The following GAPVD1 variants were observed in gnomAD, a reference collection of about 807,000 sequenced individuals.
GAPVD1 encodes the protein GTPase-activating protein and VPS9 domain-containing protein 1.
In GAPVD1, 35 loss-of-function variants were observed where a neutral mutation model predicts 155.5. The ratio of observed to expected loss-of-function variants is 0.23; its 90% CI spans 0.17 to 0.30. The LOEUF (loss-of-function observed/expected upper bound fraction) is 0.30. Among genes scored for constraint, GAPVD1 ranks in the 10% least tolerant of loss-of-function variants. The pLI is 1.00. For synonymous variants in GAPVD1, 636 were observed against 619.7 expected (o/e 1.03, Z -0.39); for missense variants, 1,429 against 1,775.7 (o/e 0.80, Z 3.51).
chr9:125,298,038 G>A (rs1476685623), intron 3 of GAPVD1, among the ~76,000 whole-genome samples: 3 of 152,192 alleles, frequency 2.0e-5, no homozygotes, highest in Admixed American at 6.5e-5. Context: ...GAGCCACCGC[G>A]CCCGGCTGTG....
At chr9:125,320,106 T>C (rs907950818) in intron 9 of GAPVD1, among the ~76,000 whole-genome samples, 4 of 152,202 alleles carry the variant, frequency 2.6e-5, no homozygotes, top group Admixed American at 2.6e-4. Flanking sequence ...AAATAACCTG[T>C]ATCGCCTCAC....
chr9:125,291,569 T>A (rs1399520595), intron 2 of GAPVD1, among the ~76,000 whole-genome samples: 1 of 151,572 alleles, frequency 6.6e-6, no homozygotes, highest in East Asian at 1.9e-4. Context: ...ATTGTTGGAG[T>A]TGTGTGGTGT....
At chr9:125,285,777 A>G (rs868320482) in intron 2 of GAPVD1, among the ~76,000 whole-genome samples, 15 of 151,754 alleles carry the variant, frequency 9.9e-5, no homozygotes, top group African/African-American at 3.1e-4. Flanking sequence ...TTTCGTTTTT[A>G]TAGAAAATAT....
chr9:125,262,900 G>C (rs1833169827), intron 1 of GAPVD1, among the ~76,000 whole-genome samples: 1 of 151,964 alleles, frequency 6.6e-6, no homozygotes, highest in East Asian at 1.9e-4. Flanking sequence ...TAAAAATTAC[G>C]GATATTTTTG....
chr9:125,328,841 C>A (rs866806550), intron 12 of GAPVD1, among the ~76,000 whole-genome samples: 5 of 151,876 alleles, frequency 3.3e-5, no homozygotes, highest in Admixed American at 6.6e-5. Flanking sequence ...TGACCCCCCC[C>A]CCACCTCCCT....
intron 20 of GAPVD1, among the ~76,000 whole-genome samples, chr9:125,348,637 C>T (rs1337201839): frequency 6.6e-6 from 1 of 151,990 alleles, no homozygotes; most frequent in South Asian, 2.1e-4. Context: ...CTCGACCTCC[C>T]GAGTAGCTGG....
chr9:125,263,968 C>T, intron 1 of GAPVD1: 1 of 1,399,382 alleles, frequency 7.1e-7, no homozygotes, highest in Non-Finnish European at 1.0e-6. Context: ...GCATGGCCTT[C>T]ATGACATGAA....
chr9:125,337,441 C>T lies in GAPVD1; in HGVS notation c.2727C>T (p.Val909=). ...GGAGCTCTGATATAGTATCTTCTGTCCGGAGACCCATGAGTGACCCCAGCT... is the reference window on the plus strand; with the variant it reads ...GGAGCTCTGATATAGTATCTTCTGTTCGGAGACCCATGAGTGACCCCAGCT... The part of the protein sequence containing the change: ...RSRSSDIVSS[V]RRPMSDPSWN... The change falls in exon 17 of 28, where the codon GTC becomes GTT. Residue 909 remains valine (V), a synonymous_variant. Coordinates refer to ENST00000297933, the MANE Select transcript of GAPVD1 (RefSeq NM_001282680.3). 6.2e-7 allele frequency: 1 copy of T among 1,614,156 alleles called. No individual in the cohort carries two copies. The highest frequency in any genetic ancestry group is 8.5e-7 in the Non-Finnish European group (1 of 1,180,006).
chr9:125,296,521 ATTT>A (rs1375021055), intron 3 of GAPVD1, among the ~76,000 whole-genome samples: 1 of 149,078 alleles, frequency 6.7e-6, no homozygotes, highest in African/African-American at 2.5e-5. Flanking sequence ...TGCCCGGCTA[ATTT>A]TGTGTTTTTG....
chr9:125,284,133 C>A (rs1837244941), intron 2 of GAPVD1, among the ~76,000 whole-genome samples: 1 of 151,470 alleles, frequency 6.6e-6, no homozygotes, highest in Admixed American at 6.6e-5. Context: ...GCCTTGGCCT[C>A]CCAAAGTGCT....
intron 19 of GAPVD1, 87 bp downstream of exon 19, chr9:125,342,386 T>C (rs950593985): frequency 1.1e-5 from 9 of 786,392 alleles, no homozygotes; most frequent in African/African-American, 3.4e-5. Flanking sequence ...AAGCGTTGCC[T>C]TTCTAGAAGA....
chr9:125,346,663 T>G, intron 19 of GAPVD1, 156 bp from the exon 20 acceptor site: 1 of 697,168 alleles, frequency 1.4e-6, no homozygotes, highest in East Asian at 2.7e-5. Flanking sequence ...ATGGGATGAG[T>G]AGGCAGCTGC....
At position 125,319,380 on chromosome 9, in the gene GAPVD1, T is replaced by A. The variant is rs548086041; in HGVS notation, c.1603-2053T>A. On this transcript the variant is annotated intron_variant, in intron 9 of 27. Coordinates refer to ENST00000297933, the MANE Select transcript of GAPVD1 (RefSeq NM_001282680.3). Reference sequence around the variant, plus strand: ...CAGAATGAGTTCCATCTTAAAAAAATTTTTTTTAATAAAAATTTTATGTGT... The same window carrying A: ...CAGAATGAGTTCCATCTTAAAAAAAATTTTTTTAATAAAAATTTTATGTGT... 5.0e-3 allele frequency among the ~76,000 whole-genome samples: 738 copies of A among 148,340 alleles called. 7 individuals carry two copies. Among genetic ancestry groups the A allele is most frequent in the African/African-American group, 0.017 (684 of 40,342 alleles).
chr9:125,366,915 T>G lies in GAPVD1; in HGVS notation c.*4169T>G, dbSNP rs1052350662. On this transcript the variant is annotated 3_prime_UTR_variant, in exon 28 of 28. Transcript: ENST00000297933. ...CAGCAAGGGTTCAATTCAAGAGAGA[T>G]GACGTCTCCACTTGGATAATGGCAG... 1 of 152,208 alleles carries G rather than the reference T, an allele frequency of 6.6e-6. No homozygotes were observed. The allele number at this position is 152,208 out of a possible 1,614,324, so 9.4% of individuals were successfully genotyped here.
intron 19 of GAPVD1, chr9:125,346,347 A>T: frequency 4.8e-6 from 1 of 206,370 alleles, no homozygotes; most frequent in Non-Finnish European, 9.9e-6. Flanking sequence ...GTGGAGAGAG[A>T]TTCATAAAGG....
chr9:125,283,872 CT>C (rs577043296), intron 2 of GAPVD1, among the ~76,000 whole-genome samples: 15 of 149,196 alleles, frequency 1.0e-4, no homozygotes, highest in East Asian at 1.9e-4. Context: ...TTCCTTGAAA[CT>C]TTTTTTTTTC....
chr9:125,318,978 C>T (rs544329946), intron 9 of GAPVD1, among the ~76,000 whole-genome samples: 7 of 151,920 alleles, frequency 4.6e-5, no homozygotes, highest in Non-Finnish European at 1.0e-4. Context: ...GAGTTTGAGA[C>T]CAGCCTGGCC....
chr9:125,332,265 T>A (rs1846203350), intron 14 of GAPVD1, among the ~76,000 whole-genome samples: 1 of 152,228 alleles, frequency 6.6e-6, no homozygotes, highest in Non-Finnish European at 1.5e-5. Flanking sequence ...GCAAACAGTC[T>A]CTCTACAACT....
intron 8 of GAPVD1, chr9:125,308,153 T>C (rs888397354): frequency 1.9e-6 from 1 of 538,986 alleles, no homozygotes; most frequent in African/African-American, 1.9e-5. Flanking sequence ...CTTGAAAAAA[T>C]TTTGGAAATG....
Sources: gnomAD v4.1 joint callset for allele counts (sites outside exome capture counted in the v4.1 genomes callset) on GRCh38, gnomAD v4.1.1 for gene constraint, MANE v1.5 for transcripts, NCBI Gene and HGNC (gene_info 2026-07-23, HGNC 2026-07-21) for gene names.